CDH13: variants seen among roughly 807,000 people sequenced by gnomAD.
The protein encoded by CDH13 is cadherin-13.
Under a neutral mutation model 63.8 loss-of-function variants are expected in CDH13, and 24 were observed. The observed-to-expected ratio is 0.38, with a 90% confidence interval of 0.27 to 0.53. The LOEUF is 0.53. CDH13 is among the 20% of genes least tolerant of loss of function. The pLI is 0.85. For synonymous variants in CDH13, 503 were observed against 355.3 expected (o/e 1.42, Z -4.67); for missense variants, 1,049 against 903.1 (o/e 1.16, Z -2.07).
chr16:83,258,624 G>C (rs1260836191), intron 5 of CDH13, among the ~76,000 whole-genome samples: 1 of 152,174 alleles, frequency 6.6e-6, no homozygotes, highest in Non-Finnish European at 1.5e-5. Context: ...CAACACATAG[G>C]TGCCAGGGAC....
At chr16:83,415,160 A>G (rs1366156847) in intron 6 of CDH13, among the ~76,000 whole-genome samples, 2 of 152,102 alleles carry the variant, frequency 1.3e-5, no homozygotes, top group East Asian at 1.9e-4. Context: ...AAAATGAAAA[A>G]AAAACCTAGG....
At chr16:83,601,346 C>T (rs1050407850) in intron 7 of CDH13, among the ~76,000 whole-genome samples, 11 of 152,126 alleles carry the variant, frequency 7.2e-5, no homozygotes, top group African/African-American at 2.4e-4. Flanking sequence ...AGGATCAGGG[C>T]TATTTGGCTA....
chr16:82,752,801 C>G (rs1194788702), intron 1 of CDH13, among the ~76,000 whole-genome samples: 1 of 152,194 alleles, frequency 6.6e-6, no homozygotes, highest in Non-Finnish European at 1.5e-5. Flanking sequence ...ATATCAATAC[C>G]TCCACCGTGG....
intron 5 of CDH13, among the ~76,000 whole-genome samples, chr16:83,228,911 G>T (rs1356885695): frequency 6.6e-6 from 1 of 152,176 alleles, no homozygotes; most frequent in Non-Finnish European, 1.5e-5. Flanking sequence ...TTCTGTCTCT[G>T]GGTCTTTGAA....
chr16:83,587,911 G>T (rs1415816441), intron 7 of CDH13, among the ~76,000 whole-genome samples: 2 of 151,088 alleles, frequency 1.3e-5, no homozygotes, highest in African/African-American at 4.9e-5. Context: ...AGCTGGCTTT[G>T]TTGAGATTTA....
chr16:82,918,321 G>A (rs34947544), intron 2 of CDH13, among the ~76,000 whole-genome samples: 54,115 of 151,936 alleles, frequency 0.36, 10,366 homozygotes, highest in Non-Finnish European at 0.44. Context: ...CAGAAGACAC[G>A]GAGAAAATGG....
At chr16:83,733,180 G>A (rs1911204249) in intron 10 of CDH13, among the ~76,000 whole-genome samples, 1 of 152,152 alleles carries the variant, frequency 6.6e-6, no homozygotes, top group Non-Finnish European at 1.5e-5. Flanking sequence ...CACAGGGCTG[G>A]GAATGTGTGA....
intron 4 of CDH13, among the ~76,000 whole-genome samples, chr16:83,154,853 C>A (rs115835393): frequency 0.024 from 3,630 of 152,190 alleles, 129 homozygotes; most frequent in African/African-American, 0.082. Context: ...TTATTTCAAC[C>A]GGTTTTTCTG....
intron 8 of CDH13, among the ~76,000 whole-genome samples, chr16:83,655,876 CAG>C (rs1009216392): frequency 3.3e-5 from 5 of 152,144 alleles, no homozygotes; most frequent in Non-Finnish European, 7.3e-5. Context: ...GGGGGGAAAA[CAG>C]AGGAGGAGTC....
At chr16:83,654,829 T>A (rs563297335) in intron 8 of CDH13, 1 of 152,312 alleles carries the variant, frequency 6.6e-6, no homozygotes, top group African/African-American at 2.4e-5. Flanking sequence ...ACCAACCCTA[T>A]GACTCTGGGT....
intron 6 of CDH13, among the ~76,000 whole-genome samples, chr16:83,389,398 C>G (rs1010269308): frequency 1.3e-5 from 2 of 152,192 alleles, no homozygotes; most frequent in Non-Finnish European, 2.9e-5. Flanking sequence ...CAATCTCTAT[C>G]TTTCTATAAG....
chr16:83,133,102 A>T (rs1197797140), intron 4 of CDH13, among the ~76,000 whole-genome samples: 2 of 152,240 alleles, frequency 1.3e-5, no homozygotes, highest in Non-Finnish European at 2.9e-5. Flanking sequence ...CAATGCAGTT[A>T]TAAAGTCTTT....
intron 1 of CDH13, among the ~76,000 whole-genome samples, chr16:82,680,710 A>T (rs1914449429): frequency 6.6e-6 from 1 of 152,130 alleles, no homozygotes; most frequent in African/African-American, 2.4e-5. Context: ...ATGTTGGAAG[A>T]TCTGGGGAAA....
At chr16:83,561,628 C>G (rs1440100028) in intron 7 of CDH13, among the ~76,000 whole-genome samples, 2 of 152,164 alleles carry the variant, frequency 1.3e-5, no homozygotes, top group East Asian at 1.9e-4. Context: ...CATGTATTTT[C>G]TACAATGATC....
intron 1 of CDH13, among the ~76,000 whole-genome samples, chr16:82,704,814 T>A (rs114582170): frequency 0.012 from 1,755 of 152,320 alleles, 44 homozygotes; most frequent in African/African-American, 0.04. Flanking sequence ...GCCAGAATAA[T>A]ATTTACATCG....
At position 83,549,894 on chromosome 16, in the gene CDH13, G is replaced by A. The variant is rs559048867; in HGVS notation, c.961-52560G>A. ...GTGAAAGAGAGAGAGAGACAGAGAG[G>A]GGAAGACTCTGACGGAGGTTTTAAC... On this transcript the variant is annotated intron_variant, in intron 7 of 13. Transcript: ENST00000567109. 2.6e-5 allele frequency among the ~76,000 whole-genome samples: 4 copies of A among 152,240 alleles called. No homozygotes were observed. The South Asian group carries it at 6.2e-4, about 24-fold the overall frequency.
intron 10 of CDH13, among the ~76,000 whole-genome samples, chr16:83,706,085 G>A (rs558040488): frequency 6.6e-6 from 1 of 152,278 alleles, no homozygotes; most frequent in East Asian, 1.9e-4. Flanking sequence ...CTCAATGTCT[G>A]AGGCCTTAGC....
chr16:83,581,859 C>T (rs1244584876), intron 7 of CDH13, among the ~76,000 whole-genome samples: 1 of 152,126 alleles, frequency 6.6e-6, no homozygotes, highest in East Asian at 1.9e-4. Flanking sequence ...ACTGAGTCTC[C>T]ACCCTAGAAC....
chr16:82,743,513 C>A (rs2034027607), intron 1 of CDH13, among the ~76,000 whole-genome samples: 1 of 152,166 alleles, frequency 6.6e-6, no homozygotes, highest in Admixed American at 6.5e-5. Flanking sequence ...GCCACTGCAC[C>A]CATCTACTAA....
Sources: gnomAD v4.1 joint callset for allele counts (sites outside exome capture counted in the v4.1 genomes callset) on GRCh38, gnomAD v4.1.1 for gene constraint, MANE v1.5 for transcripts, NCBI Gene and HGNC (gene_info 2026-07-23, HGNC 2026-07-21) for gene names.